Variants in THAP9 observed in about 807,000 individuals in gnomAD.
THAP9 encodes the protein DNA transposase THAP9.
THAP9 carries 20 observed loss-of-function variants against 35.7 expected under a neutral mutation model. That is an observed-to-expected ratio of 0.56 (90% confidence interval 0.39 to 0.81). THAP9 has a LOEUF of 0.81. Among genes scored for constraint, THAP9 ranks in the 40% least tolerant of loss-of-function variants. THAP9 has a pLI of 0.00. For missense variants in THAP9, 870 were observed against 1,047.4 expected (o/e 0.83, Z 2.34); for synonymous variants, 335 against 373.7 (o/e 0.90, Z 1.19).
intron 2 of THAP9, chr4:82,906,015 T>C (rs190978052): frequency 1.2e-4 from 53 of 460,506 alleles, no homozygotes; most frequent in African/African-American, 9.1e-4. Context: ...AACCATGTTA[T>C]TGTACCTTCT....
chr4:82,905,265 A>G (rs376833647), intron 2 of THAP9, among the ~76,000 whole-genome samples: 9 of 152,224 alleles, frequency 5.9e-5, no homozygotes, highest in East Asian at 3.9e-4. Flanking sequence ...GAAATTATCT[A>G]TGTTTTTTGG....
Position 82,918,921 on chromosome 4 carries a change from A to G in THAP9, c.2709A>G (p.Lys903=), listed in dbSNP as rs1421144886. Residue 903 remains lysine, a synonymous_variant, in exon 5 of 5, where the codon AAA becomes AAG. Transcript: ENST00000302236. ...TAAGTAACGATGGATATCCATTCAA[A>G]TGAGAGACCTAAAATATATTAACAT... ...HLLSNDGYPF[K] is the part of the protein sequence containing the mutation. The G allele has an allele frequency of 1.3e-6, 2 of 1,574,224 alleles. No homozygotes were observed. The highest frequency in any genetic ancestry group is 2.2e-5 in the East Asian group (1 of 44,464).
chr4:82,916,235 TAGAA>T (rs930206788), intron 4 of THAP9, among the ~76,000 whole-genome samples: 33 of 152,250 alleles, frequency 2.2e-4, no homozygotes, highest in African/African-American at 7.7e-4. Flanking sequence ...TATAACAAGT[TAGAA>T]AGAGTTAACT....
intron 4 of THAP9, chr4:82,910,174 T>A (rs920311198): frequency 6.6e-6 from 1 of 152,154 alleles, no homozygotes; most frequent in African/African-American, 2.4e-5. Flanking sequence ...TCTCTTCATG[T>A]CATTTTGCAT....
rs1721180123 is a variant in THAP9 at position 82,919,845 on chromosome 4, T to C, written c.*921T>C. On this transcript the variant is annotated 3_prime_UTR_variant, in exon 5 of 5. Coordinates refer to ENST00000302236, the MANE Select transcript of THAP9 (RefSeq NM_024672.6). ...CATTATTCACCTGTGTTGTAAAACA[T>C]CTACTCTTTTTTGTCACTGAATAAG... The C allele has an allele frequency of 6.6e-6, 1 of 152,214 alleles. No homozygotes were observed. The highest frequency in any genetic ancestry group is 1.5e-5 in the Non-Finnish European group (1 of 68,030). The allele number at this position is 152,214 out of a possible 1,614,324, so 9.4% of individuals were successfully genotyped here. A position where few individuals can be genotyped will look rare whatever the true frequency, so the allele number is the denominator to read the frequency against.
At position 82,915,646 on chromosome 4, in the gene THAP9, T is replaced by C. The variant is rs11735174; in HGVS notation, c.732-1298T>C. The stretch of plus-strand genomic sequence containing the variant: ...GTATATATAAATATATTTATATTTA[T>C]TTAAACTATTACAGTCATCCCTTGG... On this transcript the variant is annotated intron_variant, in intron 4 of 4. Transcript: ENST00000302236. 9.4e-3 allele frequency among the ~76,000 whole-genome samples: 1,433 copies of C among 152,164 alleles called. 13 individuals carry two copies. Among genetic ancestry groups the C allele is most frequent in the Non-Finnish European group, 0.014 (973 of 67,986 alleles).
In THAP9 at chr4:82,904,940, A is replaced by T; in HGVS notation, c.276+9A>T. On this transcript the variant is annotated intron_variant, in intron 2 of 4. Transcript: ENST00000302236. The stretch of plus-strand genomic sequence containing the variant: ...CTGTTTCTCTATACAAGGTATTTAA[A>T]TGTAGGTGTAAGTCAACAAAATGAA... 6.2e-7 allele frequency: 1 copy of T among 1,612,552 alleles called. No homozygotes were observed. Among genetic ancestry groups the T allele is most frequent in the Non-Finnish European group, 8.5e-7 (1 of 1,179,218 alleles).
intron 4 of THAP9, among the ~76,000 whole-genome samples, chr4:82,915,558 A>G (rs781483896): frequency 6.6e-6 from 1 of 152,150 alleles, no homozygotes; most frequent in Non-Finnish European, 1.5e-5. Flanking sequence ...TGCCTGGCCC[A>G]TAAGTGTGTT....
At chr4:82,909,621 A>G (rs770673103) in intron 4 of THAP9, among the ~76,000 whole-genome samples, 2 of 152,074 alleles carry the variant, frequency 1.3e-5, no homozygotes, top group Non-Finnish European at 2.9e-5. Flanking sequence ...GACATTCTCC[A>G]GCTATTGGAC....
chr4:82,902,497 A>G (rs1720465601), intron 1 of THAP9, among the ~76,000 whole-genome samples: 1 of 152,212 alleles, frequency 6.6e-6, no homozygotes, highest in South Asian at 2.1e-4. Context: ...AAGAATATCA[A>G]CAGCTGTACT....
Position 82,917,796 on chromosome 4 carries a change from A to C in THAP9, c.1584A>C (p.Gly528=), listed in dbSNP as rs573135844. 8 of 1,613,918 alleles carry C rather than the reference A, an allele frequency of 5.0e-6. No individual in the cohort carries two copies. In the Admixed American group the frequency reaches 1.3e-4, roughly 27 times the overall value. ...FDIFNSRNCY[G]KGLKGPLLPE... is the part of the protein sequence containing the mutation. ...TCTTTAATAGTAGGAACTGTTATGG[A>C]AAGGGACTTAAAGGGCCTCTGTTGC... is the stretch of plus-strand genomic sequence containing the variant. Residue 528 remains glycine (G), a synonymous_variant, in exon 5 of 5, where the codon GGA becomes GGC. Coordinates refer to ENST00000302236, the MANE Select transcript of THAP9 (RefSeq NM_024672.6).
chr4:82,913,810 C>T (rs933336575), intron 4 of THAP9, among the ~76,000 whole-genome samples: 1 of 151,692 alleles, frequency 6.6e-6, no homozygotes, highest in Admixed American at 6.6e-5. Context: ...AATCTTGGCT[C>T]ACTGCAACCT....
rs1299777873 is a variant in THAP9, at chr4:82,919,444, C to A, written c.*520C>A. 1 of 152,446 alleles carries A rather than the reference C, an allele frequency of 6.6e-6. No homozygotes were observed. The highest frequency in any genetic ancestry group is 1.5e-5 in the Non-Finnish European group (1 of 68,282). 9.4% of individuals were successfully genotyped at this position (152,446 alleles called of 1,614,324 possible). The stretch of plus-strand genomic sequence containing the variant: ...AAATATCAAATACTGCAAAAATCCC[C>A]TTGTCCCAGGATACCCTAAAATAGA... On this transcript the variant is annotated 3_prime_UTR_variant, in exon 5 of 5. Transcript: ENST00000302236.
chr4:82,911,164 A>G (rs895860751), intron 4 of THAP9, among the ~76,000 whole-genome samples: 3 of 152,244 alleles, frequency 2.0e-5, no homozygotes, highest in Admixed American at 6.5e-5. Context: ...ATGACATCCA[A>G]CACTACTGTG....
At position 82,918,904 on chromosome 4, in the gene THAP9, G is replaced by T. The variant is rs755384363; in HGVS notation, c.2692G>T (p.Asp898Tyr). 6.3e-7 allele frequency: 1 copy of T among 1,596,176 alleles called. No homozygotes were observed. The highest frequency in any genetic ancestry group is 8.5e-7 in the Non-Finnish European group (1 of 1,171,114). ...SSKFRHLLSN[D>Y]GYPFK ...TAAATTCAGGCATTTGCTAAGTAACGATGGATATCCATTCAAATGAGAGAC... is the reference window on the plus strand; with the variant it reads ...TAAATTCAGGCATTTGCTAAGTAACTATGGATATCCATTCAAATGAGAGAC... The change falls in exon 5 of 5, where the codon GAT becomes TAT. Residue 898 changes from aspartate (D) to tyrosine (Y), a missense_variant. Transcript: ENST00000302236.
chr4:82,916,900 TTTTA>T, intron 4 of THAP9, 40 bp from the exon 5 acceptor site: 1 of 1,462,176 alleles, frequency 6.8e-7, no homozygotes, highest in Non-Finnish European at 9.1e-7. Flanking sequence ...CCATTTGTCT[TTTTA>T]TTTCTCTTTG....
At position 82,900,756 on chromosome 4, in the gene THAP9, C is replaced by T. The variant is rs559291095; in HGVS notation, c.-47C>T. 4 of 1,602,122 alleles carry T rather than the reference C, an allele frequency of 2.5e-6. No individual in the cohort carries two copies. The highest frequency in any genetic ancestry group is 2.2e-5 in the East Asian group (1 of 44,820). On this transcript the variant is annotated 5_prime_UTR_variant, in exon 1 of 5. Transcript: ENST00000302236. Reference sequence around the variant, plus strand: ...GGGCGGAGCTAAAGTGGTCGTGATTCATGCTGTCGCGGGAACCCCGAAGGT... The same window carrying T: ...GGGCGGAGCTAAAGTGGTCGTGATTTATGCTGTCGCGGGAACCCCGAAGGT...
rs142923242 is a variant in THAP9, at chr4:82,900,851, C to A, written c.49C>A (p.Leu17Ile). Residue 17 changes from leucine (L) to isoleucine (I), a missense_variant, in exon 1 of 5, where the codon CTC becomes ATC. Physicochemically the swap from Leu to Ile is conservative, Grantham distance 5. Around this residue, in one of 3 missense-constraint regions of THAP9, gnomAD observed 440 missense variants for 501.2 expected, o/e 0.88. Transcript: ENST00000302236. ...GGGCTGCAGCACCCGTGACACCGTG[C>A]TCAGCCGGGAGCGCGGCCTCTCCTT... Reference protein sequence around the residue: ...AVGCSTRDTVLSRERGLSFHQ... With the variant: ...AVGCSTRDTVISRERGLSFHQ... 1.6e-5 allele frequency: 26 copies of A among 1,613,544 alleles called. 1 individual carries two copies. In the East Asian group the frequency reaches 2.5e-4, roughly 15 times the overall value.
At position 82,904,058 on chromosome 4, in the gene THAP9, C is replaced by CTT. The variant is rs59655406; in HGVS notation, c.81-656_81-655dup. ...CAAGGGGAGGGGAATTAGGCTCCCC[C>CTT]TTTTTTTTTTTTTTTTTTTTTTTGT... is the stretch of plus-strand genomic sequence containing the variant. On this transcript the variant is annotated intron_variant, in intron 1 of 4. Transcript: ENST00000302236. Among the ~76,000 whole-genome samples, 162 of 82,196 alleles carry CTT rather than the reference C, an allele frequency of 2.0e-3. 1 individual carries two copies. The highest frequency in any genetic ancestry group is 6.8e-3 in the African/African-American group (145 of 21,436). The allele number at this position is 82,196 out of a possible 152,430, so 53.9% of individuals were successfully genotyped here.
Sources: gnomAD v4.1 joint callset for allele counts (sites outside exome capture counted in the v4.1 genomes callset) on GRCh38, gnomAD v4.1.1 for gene constraint, gnomAD v4.1.1 regional missense constraint, MANE v1.5 for transcripts, NCBI Gene and HGNC (gene_info 2026-07-23, HGNC 2026-07-21) for gene names.